The following PXT1 variants were observed in gnomAD, a reference collection of about 807,000 sequenced individuals.
The protein encoded by PXT1 is peroxisomal testis-specific protein 1.
In PXT1, 11 loss-of-function variants were observed where a neutral mutation model predicts 11.0. The observed-to-expected ratio is 1.00, with a 90% CI of 0.63 to 1.66. PXT1 has a LOEUF of 1.66. PXT1 is among the 40% of genes most tolerant of loss of function. PXT1 has a pLI of 0.00. For missense variants in PXT1, 141 were observed against 155.5 expected, an observed-to-expected ratio of 0.91 and a Z score of 0.49; for synonymous variants, 43 against 51.4, an observed-to-expected ratio of 0.84 and a Z score of 0.70.
At chr6:36,440,103 A>G (rs1412228211) in intron 1 of PXT1, among the ~76,000 whole-genome samples, 1 of 149,940 alleles carries the variant, frequency 6.7e-6, no homozygotes, top group African/African-American at 2.5e-5. Context: ...GTCTCAGAAA[A>G]CAAAAGAAAA....
intron 3 of PXT1, among the ~76,000 whole-genome samples, chr6:36,415,294 T>G (rs1774431884): frequency 6.6e-6 from 1 of 151,942 alleles, no homozygotes; most frequent in East Asian, 1.9e-4. Flanking sequence ...AATACAAAAA[T>G]TAGCCAGACA....
At chr6:36,438,578 A>G (rs192165625) in intron 2 of PXT1, among the ~76,000 whole-genome samples, 189 bp downstream of exon 2, 1,941 of 152,164 alleles carry the variant, frequency 0.013, 18 homozygotes, top group Non-Finnish European at 0.019. Flanking sequence ...GCCTGCCACC[A>G]CGCCCGGCTA....
intron 3 of PXT1, among the ~76,000 whole-genome samples, chr6:36,402,026 G>A (rs1774222273): frequency 6.6e-6 from 1 of 151,006 alleles, no homozygotes; most frequent in Admixed American, 6.6e-5. Context: ...TCCCAAGCTG[G>A]TCTTGGTTTT....
rs773091257 is a variant in PXT1 at position 36,391,498 on chromosome 6, G to C, written c.*272C>G. ...GAGCCCTGGGACCATCCACAGCGCT[G>C]GTGTTTTCTGGGCAGCAAGGCTTCC... On this transcript the variant is annotated 3_prime_UTR_variant, in exon 5 of 5. Coordinates refer to ENST00000454782, the MANE Select transcript of PXT1 (RefSeq NM_152990.4). The C allele has an allele frequency of 2.1e-5, 9 of 431,872 alleles. No individual in the cohort carries two copies. Among genetic ancestry groups the C allele is most frequent in the African/African-American group, 4.1e-5 (2 of 49,134 alleles). 26.8% of individuals were successfully genotyped at this position (431,872 alleles called of 1,614,324 possible).
intron 3 of PXT1, among the ~76,000 whole-genome samples, chr6:36,415,919 G>C (rs1774439991): frequency 6.6e-6 from 1 of 152,156 alleles, no homozygotes. Flanking sequence ...TCTGGAAGAA[G>C]TGAGAGGAAG....
intron 3 of PXT1, among the ~76,000 whole-genome samples, chr6:36,409,738 A>T (rs1669540085): frequency 6.6e-6 from 1 of 151,696 alleles, no homozygotes. Context: ...AGGTGGGAGG[A>T]TCACTTAAGC....
chr6:36,416,108 G>A (rs1774443087), intron 3 of PXT1, among the ~76,000 whole-genome samples: 1 of 151,918 alleles, frequency 6.6e-6, no homozygotes, highest in Admixed American at 6.6e-5. Context: ...GCTGAGGCAG[G>A]AGGATCACTT....
rs1582248339 is a variant in PXT1 at position 36,400,393 on chromosome 6, T to C, written c.300+61A>G. The C allele has an allele frequency of 2.5e-6, 4 of 1,590,026 alleles. No homozygotes were observed. The East Asian group carries it at 9.1e-5, about 36-fold the overall frequency. Reference sequence around the variant, plus strand: ...GGGCATCTCAGACACTTGGCAGCCGTAGTTTTGTTTGCTCTTTCCTCCTAC... The same window carrying C: ...GGGCATCTCAGACACTTGGCAGCCGCAGTTTTGTTTGCTCTTTCCTCCTAC... On this transcript the variant is annotated intron_variant, in intron 4 of 4. Transcript: ENST00000454782.
intron 4 of PXT1, 48 bp downstream of exon 4, chr6:36,400,406 T>C (rs776911850): frequency 6.2e-7 from 1 of 1,605,666 alleles, no homozygotes; most frequent in Non-Finnish European, 8.5e-7. Flanking sequence ...TTTTGTTTGC[T>C]CTTTCCTCCT....
intron 4 of PXT1, among the ~76,000 whole-genome samples, chr6:36,399,126 TATTTTATTTC>T (rs1031934167): frequency 2.1e-5 from 3 of 140,530 alleles, no homozygotes; most frequent in African/African-American, 5.0e-5. Flanking sequence ...TATTTTATTT[TATTTTATTTC>T]ATTTCATTTC....
At chr6:36,407,024 TACATAAA>T (rs1774302051) in intron 3 of PXT1, among the ~76,000 whole-genome samples, 1 of 152,198 alleles carries the variant, frequency 6.6e-6, no homozygotes, top group Admixed American at 6.5e-5. Context: ...CTGTCGAATG[TACATAAA>T]ACTGTAGGAG....
intron 4 of PXT1, among the ~76,000 whole-genome samples, chr6:36,399,042 A>C (rs2127410192): frequency 6.6e-6 from 1 of 152,242 alleles, no homozygotes; most frequent in South Asian, 2.1e-4. Context: ...GTTGGAATGA[A>C]ATTGGCTTAT....
chr6:36,434,835 T>C (rs1774740177), intron 2 of PXT1, among the ~76,000 whole-genome samples: 1 of 152,208 alleles, frequency 6.6e-6, no homozygotes, highest in Non-Finnish European at 1.5e-5. Flanking sequence ...CAAAAGCCCC[T>C]TTTCAATTGA....
rs148236984 is a variant in PXT1, at chr6:36,425,805, AATAT to A, written c.169+105_169+108del. The A allele has an allele frequency of 4.6e-3, 1,530 of 334,906 alleles. 15 individuals carry two copies. The highest frequency in any genetic ancestry group is 0.027 in the African/African-American group (1,179 of 43,882). 20.7% of individuals were successfully genotyped at this position (334,906 alleles called of 1,614,324 possible). A position where few individuals can be genotyped will look rare whatever the true frequency, so the allele number is the denominator to read the frequency against. On this transcript the variant is annotated intron_variant, in intron 3 of 4. Coordinates refer to ENST00000454782, the MANE Select transcript of PXT1 (RefSeq NM_152990.4). ...TCTGTCTCAAAAAACAAAAACAAAA[AATAT>A]ATATATATATATATATATATTTAAT...
At chr6:36,399,126 TATTTTATTTCATTTC>T (rs1292614300) in intron 4 of PXT1, among the ~76,000 whole-genome samples, 1 of 140,530 alleles carries the variant, frequency 7.1e-6, no homozygotes, top group Admixed American at 7.1e-5. Context: ...TATTTTATTT[TATTTTATTTCATTTC>T]ATTTCATTTC....
intron 2 of PXT1, among the ~76,000 whole-genome samples, chr6:36,428,400 G>A (rs907913539): frequency 6.9e-5 from 7 of 100,900 alleles, no homozygotes; most frequent in East Asian, 6.8e-4. Context: ...AGCCGAGATC[G>A]CGACAGAGCG....
chr6:36,417,457 C>T (rs564568736), intron 3 of PXT1, among the ~76,000 whole-genome samples: 12 of 151,518 alleles, frequency 7.9e-5, no homozygotes, highest in South Asian at 2.1e-4. Flanking sequence ...GTTTGATTAA[C>T]CAAGAGATAG....
chr6:36,391,989 A>C (rs185451810), intron 4 of PXT1, 115 bp from the exon 5 acceptor site: 4 of 699,094 alleles, frequency 5.7e-6, no homozygotes, highest in African/African-American at 5.4e-5. Flanking sequence ...TCCATGCTGC[A>C]AACAAGCTTC....
chr6:36,426,353 C>T (rs1466933813), intron 2 of PXT1, among the ~76,000 whole-genome samples: 1 of 129,186 alleles, frequency 7.7e-6, no homozygotes, highest in Non-Finnish European at 1.6e-5. Context: ...CTCTCTCTCT[C>T]GCTTTTTTTT....
Sources: allele counts gnomAD v4.1 joint callset (sites outside exome capture counted in the v4.1 genomes callset), GRCh38; gene constraint gnomAD v4.1.1; transcripts MANE v1.5; gene names NCBI Gene and HGNC (gene_info 2026-07-23, HGNC 2026-07-21).